The following CSRNP3 variants were observed in gnomAD, a reference collection of about 807,000 sequenced individuals.
CSRNP3 encodes cysteine and serine rich nuclear protein 3.
Under a neutral mutation model 48.0 loss-of-function variants are expected in CSRNP3, and 12 were observed. The ratio of observed to expected loss-of-function variants is 0.25; its 90% CI spans 0.16 to 0.41. CSRNP3 has a LOEUF of 0.41. Ranked by LOEUF, CSRNP3 falls within the 10% of genes least tolerant of loss-of-function variation. The pLI, the probability that CSRNP3 is intolerant of heterozygous loss-of-function variation, is 1.00. For synonymous variants in CSRNP3, 263 were observed against 269.7 expected (o/e 0.98, Z 0.24); for missense variants, 580 against 724.4 (o/e 0.80, Z 2.29).
intron 3 of CSRNP3, among the ~76,000 whole-genome samples, chr2:165,583,023 A>G (rs1685572515): frequency 6.6e-6 from 1 of 152,314 alleles, no homozygotes; most frequent in East Asian, 1.9e-4. Flanking sequence ...TGGACAAGTG[A>G]AGTACATTTG....
Position 165,685,325 on chromosome 2 carries a change from T to C in CSRNP3, c.*5572T>C, listed in dbSNP as rs185424294. The stretch of plus-strand genomic sequence containing the variant: ...CAGTTGTTTTGTTTTATTCTTTTTT[T>C]CCAGAAATTCAAGCTGAAACATTTG... On this transcript the variant is annotated 3_prime_UTR_variant, in exon 7 of 7. Transcript: ENST00000651982. 2.0e-5 allele frequency: 3 copies of C among 152,146 alleles called. No homozygotes were observed. Among genetic ancestry groups the C allele is most frequent in the East Asian group, 3.9e-4 (2 of 5,162 alleles). 9.4% of individuals were successfully genotyped at this position (152,146 alleles called of 1,614,324 possible). A position where few individuals can be genotyped will look rare whatever the true frequency, so the allele number is the denominator to read the frequency against.
intron 3 of CSRNP3, among the ~76,000 whole-genome samples, chr2:165,541,870 C>T (rs1387123294): frequency 2.0e-5 from 3 of 152,100 alleles, no homozygotes; most frequent in Non-Finnish European, 4.4e-5. Flanking sequence ...CAATTCCCTT[C>T]TACAGAGTTT....
chr2:165,558,015 C>T (rs933113541), intron 3 of CSRNP3, among the ~76,000 whole-genome samples: 1 of 151,980 alleles, frequency 6.6e-6, no homozygotes, highest in African/African-American at 2.4e-5. Flanking sequence ...TGAATAGTTC[C>T]ATAAGTTACT....
chr2:165,523,788 A>T (rs1007121449), intron 3 of CSRNP3, among the ~76,000 whole-genome samples: 21 of 152,166 alleles, frequency 1.4e-4, no homozygotes, highest in African/African-American at 4.8e-4. Context: ...AAAACAGTAA[A>T]CACTACAGAG....
chr2:165,498,021 T>G (rs893752880), intron 2 of CSRNP3, among the ~76,000 whole-genome samples: 3 of 152,096 alleles, frequency 2.0e-5, no homozygotes, highest in African/African-American at 7.2e-5. Context: ...ACAAATTCAA[T>G]GAGCTAAATG....
At chr2:165,472,908 CA>C (rs1027829223) in intron 1 of CSRNP3, among the ~76,000 whole-genome samples, 1 of 151,808 alleles carries the variant, frequency 6.6e-6, no homozygotes, top group African/African-American at 2.4e-5. Flanking sequence ...ACGTTATTTT[CA>C]AAAAAAGCTA....
chr2:165,652,559 T>C (rs1246747525), intron 4 of CSRNP3, among the ~76,000 whole-genome samples: 2 of 151,988 alleles, frequency 1.3e-5, no homozygotes, highest in African/African-American at 2.4e-5. Context: ...ATTTGTTTAT[T>C]TAAACTGGAG....
At chr2:165,665,079 T>A (rs530909488) in intron 5 of CSRNP3, among the ~76,000 whole-genome samples, 1 of 152,308 alleles carries the variant, frequency 6.6e-6, no homozygotes, top group South Asian at 2.1e-4. Flanking sequence ...CTTTTAGGTC[T>A]TCATCCAGGT....
intron 4 of CSRNP3, among the ~76,000 whole-genome samples, chr2:165,611,005 A>G (rs1206771960): frequency 1.3e-5 from 2 of 152,198 alleles, no homozygotes. Flanking sequence ...ACCAAGGCAG[A>G]TAAATAAGTA....
At chr2:165,611,688 A>C (rs1217492114) in intron 4 of CSRNP3, among the ~76,000 whole-genome samples, 1 of 152,066 alleles carries the variant, frequency 6.6e-6, no homozygotes, top group Non-Finnish European at 1.5e-5. Context: ...TTTTAATCTT[A>C]ATTTTACAGA....
At chr2:165,573,205 GAA>G (rs944131389) in intron 3 of CSRNP3, among the ~76,000 whole-genome samples, 2 of 151,906 alleles carry the variant, frequency 1.3e-5, no homozygotes, top group South Asian at 2.1e-4. Flanking sequence ...TTTGACACAT[GAA>G]AAAGATTATT....
At chr2:165,520,735 T>G (rs896610744) in intron 3 of CSRNP3, among the ~76,000 whole-genome samples, 2 of 126,660 alleles carry the variant, frequency 1.6e-5, no homozygotes, top group Non-Finnish European at 3.4e-5. Flanking sequence ...TATATATCTA[T>G]TTTATAGATA....
chr2:165,509,800 A>G (rs554157753), intron 2 of CSRNP3, among the ~76,000 whole-genome samples: 1 of 152,172 alleles, frequency 6.6e-6, no homozygotes, highest in South Asian at 2.1e-4. Flanking sequence ...CATTTTACCC[A>G]TGAATATTCT....
chr2:165,625,686 C>G (rs1331837010), intron 4 of CSRNP3, among the ~76,000 whole-genome samples: 1 of 151,528 alleles, frequency 6.6e-6, no homozygotes, highest in East Asian at 1.9e-4. Context: ...CATGGTGACT[C>G]ACACCTGCAA....
At chr2:165,518,758 G>T (rs1034841730) in intron 3 of CSRNP3, among the ~76,000 whole-genome samples, 1 of 151,820 alleles carries the variant, frequency 6.6e-6, no homozygotes. Flanking sequence ...TCTTGGTCAG[G>T]CATGTCTTCA....
intron 3 of CSRNP3, among the ~76,000 whole-genome samples, chr2:165,558,330 G>T (rs1260741460): frequency 6.6e-6 from 1 of 152,134 alleles, no homozygotes; most frequent in Non-Finnish European, 1.5e-5. Flanking sequence ...GATCTTAAAA[G>T]AATTTAAATG....
Position 165,635,955 on chromosome 2 carries a change from A to G in CSRNP3, c.149-21806A>G, listed in dbSNP as rs571591937. On this transcript the variant is annotated intron_variant, in intron 4 of 6. Transcript: ENST00000651982. ...GAGAATTGTAGAGTCAACTCCCACC[A>G]TGATGCAGAGCCCTTCACCTCCCCA... is the stretch of plus-strand genomic sequence containing the variant. Among the ~76,000 whole-genome samples, 23 of 152,188 alleles carry G rather than the reference A, an allele frequency of 1.5e-4. No homozygotes were observed. In the South Asian group the frequency reaches 4.8e-3, roughly 32 times the overall value.
intron 5 of CSRNP3, among the ~76,000 whole-genome samples, chr2:165,665,495 T>C (rs1241081361): frequency 2.6e-5 from 4 of 152,146 alleles, no homozygotes; most frequent in African/African-American, 9.7e-5. Flanking sequence ...GCAGGGTGGC[T>C]CGCACCTGTA....
chr2:165,493,114 T>C (rs1306566112), intron 1 of CSRNP3, among the ~76,000 whole-genome samples: 2 of 151,738 alleles, frequency 1.3e-5, no homozygotes, highest in African/African-American at 4.8e-5. Context: ...GGAATAAATA[T>C]GCCCCAAGGA....
Sources: allele counts gnomAD v4.1 joint callset (sites outside exome capture counted in the v4.1 genomes callset), GRCh38; gene constraint gnomAD v4.1.1; transcripts MANE v1.5; gene names NCBI Gene and HGNC (gene_info 2026-07-23, HGNC 2026-07-21).